XYLT1: variants seen among roughly 807,000 people sequenced by gnomAD.
The protein encoded by XYLT1 is xylosyltransferase 1.
In XYLT1, 36 loss-of-function variants were observed where a neutral mutation model predicts 91.3. The observed-to-expected ratio is 0.39, with a 90% CI of 0.30 to 0.52. XYLT1 has a LOEUF of 0.52. XYLT1 is among the 20% of genes least tolerant of loss of function. The pLI is 0.68. For synonymous variants in XYLT1, 588 were observed against 532.0 expected, an observed-to-expected ratio of 1.11 and a Z score of -1.45; for missense variants, 1,242 against 1,284.5, an observed-to-expected ratio of 0.97 and a Z score of 0.51.
chr16:17,366,623 C>T (rs866950533), intron 1 of XYLT1, among the ~76,000 whole-genome samples: 5 of 152,030 alleles, frequency 3.3e-5, no homozygotes, highest in Admixed American at 6.6e-5. Context: ...TGAACCCTGG[C>T]GGCAGAGGCT....
rs531343124 is a variant in XYLT1 at position 17,418,980 on chromosome 16, C to T, written c.363+51454G>A. 1.2e-4 allele frequency among the ~76,000 whole-genome samples: 18 copies of T among 152,140 alleles called. No homozygotes were observed. In the South Asian group the frequency reaches 3.7e-3, roughly 32 times the overall value. ...GCGATATCTAAATGAATGGGTATAG[C>T]TGTGTTCCAATAAAGCTTTATTTAC... On this transcript the variant is annotated intron_variant, in intron 1 of 11. Coordinates refer to ENST00000261381, the MANE Select transcript of XYLT1 (RefSeq NM_022166.4).
intron 2 of XYLT1, among the ~76,000 whole-genome samples, chr16:17,337,262 A>C (rs1320966927): frequency 6.6e-6 from 1 of 152,102 alleles, no homozygotes; most frequent in Non-Finnish European, 1.5e-5. Flanking sequence ...GTCATGGCTC[A>C]TTGTAGCCTC....
At position 17,405,532 on chromosome 16, in the gene XYLT1, G is replaced by A. The variant is rs980021114; in HGVS notation, c.364-47482C>T. Among the ~76,000 whole-genome samples the A allele has an allele frequency of 2.0e-5, 3 of 152,248 alleles. No homozygotes were observed. The South Asian group carries it at 6.2e-4, about 32-fold the overall frequency. On this transcript the variant is annotated intron_variant, in intron 1 of 11. Transcript: ENST00000261381. ...TTGAAATCACAGGGACAGCAGCAGGGAGCCCTTGGCAGCAAACCCAGCTCC... is the reference window on the plus strand; with the variant it reads ...TTGAAATCACAGGGACAGCAGCAGGAAGCCCTTGGCAGCAAACCCAGCTCC...
intron 1 of XYLT1, among the ~76,000 whole-genome samples, chr16:17,466,047 GAC>G (rs1275700720): frequency 6.6e-6 from 1 of 152,176 alleles, no homozygotes; most frequent in African/African-American, 2.4e-5. Flanking sequence ...TACTTGTTGG[GAC>G]GTTTTCTCCT....
chr16:17,278,859 C>T (rs1451373600), intron 2 of XYLT1, among the ~76,000 whole-genome samples: 4 of 152,226 alleles, frequency 2.6e-5, no homozygotes, highest in East Asian at 1.9e-4. Context: ...CTTCACTTTA[C>T]AGCCTCATCT....
chr16:17,224,073 C>G (rs915669685), intron 3 of XYLT1, among the ~76,000 whole-genome samples: 1 of 152,122 alleles, frequency 6.6e-6, no homozygotes, highest in Admixed American at 6.5e-5. Context: ...AGAGAAGCTA[C>G]CAGAACCTTT....
intron 1 of XYLT1, among the ~76,000 whole-genome samples, chr16:17,404,059 T>G (rs2035999416): frequency 6.6e-6 from 1 of 151,866 alleles, no homozygotes. Context: ...GTCAGACAGA[T>G]TCAATGTGCA....
intron 2 of XYLT1, among the ~76,000 whole-genome samples, chr16:17,339,590 T>C (rs2035037005): frequency 6.6e-6 from 1 of 152,206 alleles, no homozygotes; most frequent in South Asian, 2.1e-4. Flanking sequence ...TTTAATCCTC[T>C]GCATTTTTTT....
Position 17,141,176 on chromosome 16 carries a change from A to G in XYLT1, c.1564T>C (p.Ser522Pro). 6.2e-7 allele frequency: 1 copy of G among 1,614,242 alleles called. No homozygotes were observed. Among genetic ancestry groups the G allele is most frequent in the Non-Finnish European group, 8.5e-7 (1 of 1,180,034 alleles). Residue 522 changes from serine to proline, a missense_variant, in exon 7 of 12, where the codon TCC becomes CCC. By Grantham distance (74) the Ser-to-Pro change is moderately conservative. Transcript: ENST00000261381. ...ACCTCAGCAGGAAGCAGGGTGTAGGAGTAGAACTGTTTCATCTTGGTCACC... is the reference window on the plus strand; with the variant it reads ...ACCTCAGCAGGAAGCAGGGTGTAGGGGTAGAACTGTTTCATCTTGGTCACC... ...DLVTKMKQFY[S>P]YTLLPAESFF... is the part of the protein sequence containing the mutation.
intron 11 of XYLT1, among the ~76,000 whole-genome samples, chr16:17,116,871 T>G (rs1966853296): frequency 1.3e-5 from 2 of 152,156 alleles, no homozygotes; most frequent in Admixed American, 6.5e-5. Flanking sequence ...TGCTTTCAAT[T>G]TTCATTTCTC....
intron 3 of XYLT1, among the ~76,000 whole-genome samples, chr16:17,221,811 A>G (rs1567329147): frequency 6.6e-6 from 1 of 152,198 alleles, no homozygotes; most frequent in African/African-American, 2.4e-5. Flanking sequence ...TGTGCTTTAC[A>G]TAGAGCACTA....
chr16:17,435,660 C>G (rs1324549089), intron 1 of XYLT1, among the ~76,000 whole-genome samples: 2 of 152,098 alleles, frequency 1.3e-5, no homozygotes, highest in African/African-American at 4.8e-5. Context: ...CAACCGACAT[C>G]TACAAAGTTC....
At chr16:17,368,154 G>A (rs1302958448) in intron 1 of XYLT1, among the ~76,000 whole-genome samples, 2 of 152,156 alleles carry the variant, frequency 1.3e-5, no homozygotes, top group African/African-American at 2.4e-5. Context: ...CGGAAAAAAC[G>A]ATCCCAGGAG....
At chr16:17,401,266 C>T (rs1360345368) in intron 1 of XYLT1, among the ~76,000 whole-genome samples, 1 of 152,164 alleles carries the variant, frequency 6.6e-6, no homozygotes, top group Non-Finnish European at 1.5e-5. Context: ...AAAACTTCCA[C>T]CATTCTGCCT....
At chr16:17,141,411 AAGAC>A (rs1475978520) in intron 6 of XYLT1, 42 bp from the exon 7 acceptor site, 2 of 1,580,740 alleles carry the variant, frequency 1.3e-6, no homozygotes, top group Non-Finnish European at 1.7e-6. Flanking sequence ...GGTGTCCTGA[AAGAC>A]AGAACTCCAG....
intron 1 of XYLT1, among the ~76,000 whole-genome samples, chr16:17,455,977 G>A (rs988872986): frequency 2.0e-5 from 3 of 152,156 alleles, no homozygotes; most frequent in East Asian, 1.9e-4. Context: ...AGTGAAATCC[G>A]TGCTTGTAAT....
At chr16:17,423,081 G>A (rs768459116) in intron 1 of XYLT1, among the ~76,000 whole-genome samples, 27 of 152,146 alleles carry the variant, frequency 1.8e-4, no homozygotes, top group South Asian at 2.1e-4. Flanking sequence ...AGAATTTGAC[G>A]GAACAATGTG....
chr16:17,134,413 T>C, intron 9 of XYLT1, 60 bp downstream of exon 9: 1 of 1,594,208 alleles, frequency 6.3e-7, no homozygotes, highest in South Asian at 1.1e-5. Context: ...CCCCACTCTG[T>C]ACCCTGAGCC....
chr16:17,123,176 A>C lies in XYLT1; in HGVS notation c.2223+4490T>G, dbSNP rs907427110. On this transcript the variant is annotated intron_variant, in intron 10 of 11. Coordinates refer to ENST00000261381, the MANE Select transcript of XYLT1 (RefSeq NM_022166.4). Reference sequence around the variant, plus strand: ...GTAGATTGCTTTTGGCAGTATGGTCATGGTCACAATATTGATTCTACCCAT... The same window carrying C: ...GTAGATTGCTTTTGGCAGTATGGTCCTGGTCACAATATTGATTCTACCCAT... 2.6e-5 allele frequency among the ~76,000 whole-genome samples: 4 copies of C among 152,200 alleles called. No individual in the cohort carries two copies. The East Asian group carries it at 7.7e-4, about 29-fold the overall frequency.
Sources: allele counts gnomAD v4.1 joint callset (sites outside exome capture counted in the v4.1 genomes callset), GRCh38; gene constraint gnomAD v4.1.1; transcripts MANE v1.5; gene names NCBI Gene and HGNC (gene_info 2026-07-23, HGNC 2026-07-21).